Variants in TRMT10B observed in about 807,000 individuals in gnomAD.
TRMT10B encodes tRNA methyltransferase 10B, also known as tRNA methyltransferase 10 homolog B.
TRMT10B carries 33 observed loss-of-function variants against 43.8 expected under a neutral mutation model. That is an observed-to-expected ratio of 0.75 (90% CI 0.57 to 1.01). TRMT10B has a LOEUF of 1.01. TRMT10B is among the 50% of genes least tolerant of loss of function. TRMT10B has a pLI of 0.00. For synonymous variants in TRMT10B, 137 were observed against 130.6 expected (o/e 1.05, Z -0.34); for missense variants, 362 against 369.8 (o/e 0.98, Z 0.17).
At chr9:37,773,089 A>C (rs1391991038) in intron 7 of TRMT10B, among the ~76,000 whole-genome samples, 1 of 152,182 alleles carries the variant, frequency 6.6e-6, no homozygotes, top group East Asian at 1.9e-4. Context: ...TGATGTCTGT[A>C]GCTTACTTTG....
At chr9:37,753,060 C>T (rs1473053389), upstream of TRMT10B, among the ~76,000 whole-genome samples, 1 of 150,732 alleles carries the variant, frequency 6.6e-6, no homozygotes, top group African/African-American at 2.4e-5. Flanking sequence ...CGTGTGACCA[C>T]GAACCCACCG....
chr9:37,774,592 T>C (rs1179831942), intron 7 of TRMT10B, among the ~76,000 whole-genome samples: 1 of 152,244 alleles, frequency 6.6e-6, no homozygotes, highest in Non-Finnish European at 1.5e-5. Flanking sequence ...ATCCTAATTT[T>C]GAATTCTGTA....
In TRMT10B at chr9:37,762,035, G is replaced by T. The variant is rs752450106; in HGVS notation, c.104G>T (p.Gly35Val). ...ACAGGTGAAGATGGACTTCCTGAAG[G>T]CTTCCAGCTTCTGCAGATCGATGCG... is the stretch of plus-strand genomic sequence containing the variant. ...EETGEDGLPEGFQLLQIDAEG... is the reference protein window; with the variant it reads ...EETGEDGLPEVFQLLQIDAEG... Residue 35 changes from glycine (G) to valine (V), a missense_variant, in exon 2 of 9, where the codon GGC (glycine) becomes GTC (valine). Physicochemically the swap from Gly to Val is moderately radical, Grantham distance 109. Transcript: ENST00000297994. 2 of 1,614,156 alleles carry T rather than the reference G, an allele frequency of 1.2e-6. No individual in the cohort carries two copies. The highest frequency in any genetic ancestry group is 1.7e-6 in the Non-Finnish European group (2 of 1,180,036).
intron 1 of TRMT10B, among the ~76,000 whole-genome samples, chr9:37,758,470 C>CAA (rs1264403717): frequency 2.0e-5 from 3 of 152,126 alleles, no homozygotes; most frequent in Non-Finnish European, 4.4e-5. Context: ...CGGGGATAGA[C>CAA]AAAGCACTTA....
At chr9:37,763,179 T>G (rs1391835588) in intron 3 of TRMT10B, among the ~76,000 whole-genome samples, 1 of 143,544 alleles carries the variant, frequency 7.0e-6, no homozygotes, top group African/African-American at 2.6e-5. Context: ...AAAAAAAAAT[T>G]TAAGGCTGCT....
At chr9:37,768,370 A>T (rs2118850533) in intron 5 of TRMT10B, 142 bp downstream of exon 5, 1 of 962,616 alleles carries the variant, frequency 1.0e-6, no homozygotes, top group East Asian at 2.7e-5. Flanking sequence ...AAGTTCTTAA[A>T]TTTAAAATTT....
At position 37,763,716 on chromosome 9, in the gene TRMT10B, G is replaced by A. The variant is rs1826666816; in HGVS notation, c.383G>A (p.Cys128Tyr). 1 of 1,614,004 alleles carries A rather than the reference G, an allele frequency of 6.2e-7. No individual in the cohort carries two copies. The highest frequency in any genetic ancestry group is 8.5e-7 in the Non-Finnish European group (1 of 1,180,012). ...LEAKHSGPRLCIDLSMTHYMS... is the reference protein window; with the variant it reads ...LEAKHSGPRLYIDLSMTHYMS... ...GCCAAACACTCAGGACCAAGACTAT[G>A]TATCGATTTGAGTATGACCCACTAC... The change falls in exon 4 of 9, where the codon TGT (cysteine) becomes TAT (tyrosine). Residue 128 changes from cysteine to tyrosine, a missense_variant. Cys to Tyr is a radical substitution (Grantham distance 194, BLOSUM62 -2). Coordinates refer to ENST00000297994, the MANE Select transcript of TRMT10B (RefSeq NM_144964.4).
intron 4 of TRMT10B, among the ~76,000 whole-genome samples, chr9:37,766,687 G>A (rs999036819): frequency 1.3e-5 from 2 of 152,152 alleles, no homozygotes; most frequent in East Asian, 3.8e-4. Context: ...CCATTTTAAT[G>A]ATATTGATTT....
chr9:37,757,047 C>T (rs1255359546), intron 1 of TRMT10B, among the ~76,000 whole-genome samples: 1 of 151,384 alleles, frequency 6.6e-6, no homozygotes. Context: ...ACTGTTCATT[C>T]ATGTGGAGTG....
Position 37,777,680 on chromosome 9 carries a change from C to CT in TRMT10B, c.925dup (p.Tyr309LeufsTer24). 1 of 1,613,914 alleles carries CT rather than the reference C, an allele frequency of 6.2e-7. No homozygotes were observed. Among genetic ancestry groups the CT allele is most frequent in the Non-Finnish European group, 8.5e-7 (1 of 1,179,934 alleles). ...AGAAAGGAGTTTCTTCAGGAAAAGG[C>CT]TATATTCTTCGGAACTCAGTGGAAT... On this transcript the variant is annotated frameshift_variant, in exon 9 of 9. Coordinates refer to ENST00000297994, the MANE Select transcript of TRMT10B (RefSeq NM_144964.4). LOFTEE classifies it high-confidence loss of function.
chr9:37,763,493 C>T, intron 3 of TRMT10B, 136 bp from the exon 4 acceptor site: 1 of 706,334 alleles, frequency 1.4e-6, no homozygotes, highest in Admixed American at 2.8e-5. Flanking sequence ...CTGTGTAAAT[C>T]TTCTAATGAA....
chr9:37,754,728 G>A (rs1825428196), intron 1 of TRMT10B, among the ~76,000 whole-genome samples: 1 of 152,188 alleles, frequency 6.6e-6, no homozygotes, highest in Non-Finnish European at 1.5e-5. Context: ...TATTATGTCA[G>A]GTGCTTAGTA....
intron 1 of TRMT10B, among the ~76,000 whole-genome samples, chr9:37,759,707 C>CT (rs1479236433): frequency 6.6e-6 from 1 of 152,156 alleles, no homozygotes; most frequent in Non-Finnish European, 1.5e-5. Flanking sequence ...GTCCCAGAAA[C>CT]TTAAGAGGCT....
rs369975577 is a variant in TRMT10B at position 37,776,413 on chromosome 9, T to G, written c.844+8T>G. The G allele has an allele frequency of 1.2e-6, 2 of 1,603,440 alleles. No homozygotes were observed. The highest frequency in any genetic ancestry group is 1.3e-5 in the African/African-American group (1 of 74,292). ...TACTGGCCATCAATCAAGGTACTTC[T>G]TACACGGCCCCCATCCAGGGTGTGT... On this transcript the variant is annotated splice_region_variant and intron_variant, in intron 8 of 8. Transcript: ENST00000297994.
chr9:37,772,325 T>C (rs946258905), intron 7 of TRMT10B, among the ~76,000 whole-genome samples: 1 of 149,600 alleles, frequency 6.7e-6, no homozygotes, highest in Non-Finnish European at 1.5e-5. Context: ...AGTTCTTAAA[T>C]TTTTTTTTTA....
At chr9:37,753,336 C>A (rs556112359), upstream of TRMT10B, among the ~76,000 whole-genome samples, 1 of 152,218 alleles carries the variant, frequency 6.6e-6, no homozygotes, top group Non-Finnish European at 1.5e-5. Flanking sequence ...TCTGTTGTGT[C>A]AGTCCCCGTT....
chr9:37,758,318 G>A (rs116695000), intron 1 of TRMT10B, among the ~76,000 whole-genome samples: 2,237 of 152,242 alleles, frequency 0.015, 50 homozygotes, highest in African/African-American at 0.048. Flanking sequence ...AGGCTGGGGT[G>A]GGAGAATCAC....
intron 7 of TRMT10B, among the ~76,000 whole-genome samples, chr9:37,772,044 C>G (rs111506239): frequency 6.6e-6 from 1 of 152,158 alleles, no homozygotes; most frequent in Non-Finnish European, 1.5e-5. Context: ...CATGGTCTCA[C>G]TCTGTTGCCC....
At chr9:37,766,077 G>A (rs944813751) in intron 4 of TRMT10B, among the ~76,000 whole-genome samples, 34 of 152,130 alleles carry the variant, frequency 2.2e-4, no homozygotes, top group Admixed American at 1.3e-3. Context: ...AAGCTCTTTA[G>A]TTGAATTAGA....
Sources: allele counts gnomAD v4.1 joint callset (sites outside exome capture counted in the v4.1 genomes callset), GRCh38; gene constraint gnomAD v4.1.1; transcripts MANE v1.5; gene names NCBI Gene and HGNC (gene_info 2026-07-23, HGNC 2026-07-21).